The following PRKG1 variants were observed in gnomAD, a reference collection of about 807,000 sequenced individuals.
PRKG1 encodes the protein protein kinase cGMP-dependent 1, also known as cGMP-dependent protein kinase 1.
Under a neutral mutation model 88.1 loss-of-function variants are expected in PRKG1, and 35 were observed. That is an observed-to-expected ratio of 0.40 (90% CI 0.30 to 0.53). PRKG1 has a LOEUF of 0.53. Among genes scored for constraint, PRKG1 ranks in the 20% least tolerant of loss-of-function variants. The pLI, the probability that PRKG1 is intolerant of heterozygous loss-of-function variation, is 0.59. For missense variants in PRKG1, 540 were observed against 839.8 expected (o/e 0.64, Z 4.41); for synonymous variants, 303 against 292.5 (o/e 1.04, Z -0.37).
rs765560341 is a variant in PRKG1 at position 52,296,901 on chromosome 10, A to G, written c.*3001A>G. 1.6e-4 allele frequency: 25 copies of G among 152,230 alleles called. No homozygotes were observed. The highest frequency in any genetic ancestry group is 3.4e-3 in the Middle Eastern group (1 of 294). 9.4% of individuals were successfully genotyped at this position (152,230 alleles called of 1,614,324 possible). A position where few individuals can be genotyped will look rare whatever the true frequency, so the allele number is the denominator to read the frequency against. On this transcript the variant is annotated 3_prime_UTR_variant, in exon 18 of 18. Transcript: ENST00000373980. The stretch of plus-strand genomic sequence containing the variant: ...ATATTCTTTACAAGTCATAATTTTT[A>G]CCTAAAATTGTGGAATATGCATGTG...
At chr10:51,115,517 T>C (rs1845099770) in intron 1 of PRKG1, among the ~76,000 whole-genome samples, 4 of 150,026 alleles carry the variant, frequency 2.7e-5, no homozygotes, top group Non-Finnish European at 5.9e-5. Flanking sequence ...AATAAATGAA[T>C]GTGAGGGGGT....
At chr10:52,148,553 C>A (rs998681100) in intron 8 of PRKG1, among the ~76,000 whole-genome samples, 4 of 151,778 alleles carry the variant, frequency 2.6e-5, no homozygotes, top group African/African-American at 7.3e-5. Context: ...TTTGGGAAAC[C>A]ATTTACCTTT....
chr10:51,048,317 TC>T, intron 1 of PRKG1, among the ~76,000 whole-genome samples: 1 of 152,054 alleles, frequency 6.6e-6, no homozygotes, highest in South Asian at 2.1e-4. Flanking sequence ...TCTCCCCCTT[TC>T]TCCCTCCCTC....
chr10:51,834,798 A>G (rs996063146), intron 4 of PRKG1, among the ~76,000 whole-genome samples: 1 of 152,144 alleles, frequency 6.6e-6, no homozygotes, highest in African/African-American at 2.4e-5. Context: ...TGAGGGTATG[A>G]AAGAGCAATG....
chr10:51,874,017 C>G (rs918543018), intron 4 of PRKG1, among the ~76,000 whole-genome samples: 2 of 152,114 alleles, frequency 1.3e-5, no homozygotes, highest in Non-Finnish European at 2.9e-5. Flanking sequence ...CTTAATTTAT[C>G]TGTTTTAGCT....
intron 5 of PRKG1, among the ~76,000 whole-genome samples, chr10:51,923,512 G>A (rs957457793): frequency 6.7e-6 from 1 of 148,656 alleles, no homozygotes; most frequent in African/African-American, 2.5e-5. Flanking sequence ...TGCTAATATT[G>A]CTAATACTAA....
At chr10:52,211,353 G>T (rs891485792) in intron 9 of PRKG1, among the ~76,000 whole-genome samples, 2 of 152,006 alleles carry the variant, frequency 1.3e-5, no homozygotes, top group Admixed American at 1.3e-4. Flanking sequence ...GAAATTTTTC[G>T]CAACTAATTA....
At chr10:51,087,219 C>G (rs965021682) in intron 1 of PRKG1, among the ~76,000 whole-genome samples, 3 of 152,136 alleles carry the variant, frequency 2.0e-5, no homozygotes, top group African/African-American at 7.2e-5. Context: ...ATTTCCTCTC[C>G]AAAGAAATCT....
At chr10:51,136,930 A>G (rs576358834) in intron 1 of PRKG1, among the ~76,000 whole-genome samples, 18 of 150,950 alleles carry the variant, frequency 1.2e-4, no homozygotes, top group Non-Finnish European at 1.2e-4. Flanking sequence ...TTTGAGACGG[A>G]TTTCTCTGTT....
At chr10:52,106,699 G>A (rs1187055957) in intron 7 of PRKG1, among the ~76,000 whole-genome samples, 1 of 110,642 alleles carries the variant, frequency 9.0e-6, no homozygotes, top group African/African-American at 3.5e-5. Context: ...GCGAGACTCT[G>A]TCCCAAAATA....
intron 7 of PRKG1, among the ~76,000 whole-genome samples, chr10:52,099,058 AG>A (rs1469542781): frequency 6.6e-6 from 1 of 152,232 alleles, no homozygotes; most frequent in Non-Finnish European, 1.5e-5. Context: ...AATTTTAGTA[AG>A]GGATGACATG....
At chr10:51,168,257 G>A (rs1846602084) in intron 2 of PRKG1, among the ~76,000 whole-genome samples, 1 of 152,020 alleles carries the variant, frequency 6.6e-6, no homozygotes, top group East Asian at 1.9e-4. Flanking sequence ...TTTTTTAGAG[G>A]CCACATGGTG....
intron 2 of PRKG1, among the ~76,000 whole-genome samples, chr10:51,297,623 G>A (rs1285219903): frequency 1.3e-5 from 2 of 152,020 alleles, no homozygotes; most frequent in Non-Finnish European, 2.9e-5. Context: ...GGTGACTCAT[G>A]TGCATTTCTA....
chr10:52,114,152 T>C (rs1309262268), intron 7 of PRKG1, among the ~76,000 whole-genome samples: 2 of 152,100 alleles, frequency 1.3e-5, no homozygotes, highest in Non-Finnish European at 2.9e-5. Flanking sequence ...TGAAGTCAAA[T>C]ATGACCTGTA....
intron 2 of PRKG1, among the ~76,000 whole-genome samples, chr10:51,277,776 A>G (rs1312810488): frequency 6.6e-6 from 1 of 152,218 alleles, no homozygotes; most frequent in African/African-American, 2.4e-5. Flanking sequence ...GTGTATAGCA[A>G]TGCTTGTGAT....
chr10:51,434,965 A>G lies in PRKG1; in HGVS notation c.479-32758A>G, dbSNP rs150221310. Among the ~76,000 whole-genome samples the G allele has an allele frequency of 8.5e-3, 1,297 of 152,258 alleles. 23 individuals are homozygous for G. The highest frequency in any genetic ancestry group is 0.03 in the African/African-American group (1,244 of 41,572). ...CAAACAGACTGTTGTAAGATATTTCAGCATGAAATTGTAATATTTCTACTT... is the reference window on the plus strand; with the variant it reads ...CAAACAGACTGTTGTAAGATATTTCGGCATGAAATTGTAATATTTCTACTT... On this transcript the variant is annotated intron_variant, in intron 2 of 17. Coordinates refer to ENST00000373980, the MANE Select transcript of PRKG1 (RefSeq NM_006258.4).
chr10:51,289,925 T>C (rs1398898185), intron 2 of PRKG1, among the ~76,000 whole-genome samples: 1 of 152,182 alleles, frequency 6.6e-6, no homozygotes, highest in Non-Finnish European at 1.5e-5. Context: ...TCATTCACCT[T>C]TGAATTTATA....
intron 9 of PRKG1, among the ~76,000 whole-genome samples, chr10:52,221,335 T>A (rs940147032): frequency 6.6e-6 from 1 of 152,188 alleles, no homozygotes; most frequent in African/African-American, 2.4e-5. Flanking sequence ...CAGCCTTAGA[T>A]CAATAATATA....
chr10:51,940,975 T>G (rs1032822345), intron 5 of PRKG1, among the ~76,000 whole-genome samples: 7 of 151,966 alleles, frequency 4.6e-5, no homozygotes, highest in African/African-American at 1.7e-4. Context: ...TAGAGAAAAG[T>G]ATCAACTTAC....
Sources: gnomAD v4.1 joint callset for allele counts (sites outside exome capture counted in the v4.1 genomes callset) on GRCh38, gnomAD v4.1.1 for gene constraint, MANE v1.5 for transcripts, NCBI Gene and HGNC (gene_info 2026-07-23, HGNC 2026-07-21) for gene names.